Variants in ZBTB20 observed in about 807,000 individuals in gnomAD.
The protein encoded by ZBTB20 is zinc finger and BTB domain containing 20.
In ZBTB20, 9 loss-of-function variants were observed where a neutral mutation model predicts 56.9. That is an observed-to-expected ratio of 0.16 (90% CI 0.10 to 0.28). The LOEUF (loss-of-function observed/expected upper bound fraction) is 0.28, where lower values mean the gene tolerates loss of function less well. Among genes scored for constraint, ZBTB20 ranks in the 10% least tolerant of loss-of-function variants. ZBTB20 has a pLI of 1.00. For synonymous variants in ZBTB20, 417 were observed against 420.7 expected (o/e 0.99, Z 0.11); for missense variants, 655 against 1,003.0 (o/e 0.65, Z 4.69).
chr3:114,824,167 A>G (rs2073398792), intron 4 of ZBTB20, among the ~76,000 whole-genome samples: 1 of 152,010 alleles, frequency 6.6e-6, no homozygotes, highest in Non-Finnish European at 1.5e-5. Context: ...GGTTCTGGTG[A>G]TATTTACAAT....
At position 114,551,425 on chromosome 3, in the gene ZBTB20, C is replaced by A. The variant is rs190705501; in HGVS notation, c.-294-51034G>T. On this transcript the variant is annotated intron_variant, in intron 6 of 11. Transcript: ENST00000675478. ...AGTAATAAGCTTTACAAAAGAAGTGCACAAAAATTTATTGTGGGCGGGTGG... is the reference window on the plus strand; with the variant it reads ...AGTAATAAGCTTTACAAAAGAAGTGAACAAAAATTTATTGTGGGCGGGTGG... Among the ~76,000 whole-genome samples the A allele has an allele frequency of 2.6e-5, 4 of 152,220 alleles. No homozygotes were observed. In the East Asian group the frequency reaches 7.7e-4, roughly 29 times the overall value.
At chr3:114,801,384 A>T (rs1287407524) in intron 4 of ZBTB20, among the ~76,000 whole-genome samples, 1 of 149,178 alleles carries the variant, frequency 6.7e-6, no homozygotes. Flanking sequence ...TAATGAAAAG[A>T]AAAGGATCTA....
At chr3:114,547,519 A>G (rs1157235506) in intron 6 of ZBTB20, among the ~76,000 whole-genome samples, 1 of 152,222 alleles carries the variant, frequency 6.6e-6, no homozygotes, top group Non-Finnish European at 1.5e-5. Flanking sequence ...CTGGGGCCTC[A>G]GGAAAGGGTC....
Position 114,331,031 on chromosome 3 carries a change from C to T in ZBTB20, c.*7974G>A, listed in dbSNP as rs1345993956. 1 of 152,148 alleles carries T rather than the reference C, an allele frequency of 6.6e-6. No individual in the cohort carries two copies. 9.4% of individuals were successfully genotyped at this position (152,148 alleles called of 1,614,324 possible). On this transcript the variant is annotated 3_prime_UTR_variant, in exon 12 of 12. Coordinates refer to ENST00000675478, the MANE Select transcript of ZBTB20 (RefSeq NM_001348800.3). ...CAAAGGCCACATTGGTTTCAGGAGA[C>T]ACAGTTTGTGAATTACGATGATATC...
At chr3:114,820,177 C>A (rs533900541) in intron 4 of ZBTB20, among the ~76,000 whole-genome samples, 1 of 151,820 alleles carries the variant, frequency 6.6e-6, no homozygotes, top group South Asian at 2.1e-4. Context: ...TAAAAATGAT[C>A]CTCAGAGTAG....
intron 7 of ZBTB20, among the ~76,000 whole-genome samples, chr3:114,469,928 A>G (rs2039929327): frequency 6.6e-6 from 1 of 152,186 alleles, no homozygotes; most frequent in African/African-American, 2.4e-5. Flanking sequence ...CTTATTCACC[A>G]TAAATTAAAG....
chr3:114,459,992 T>C (rs940176945), intron 7 of ZBTB20, among the ~76,000 whole-genome samples: 1 of 152,006 alleles, frequency 6.6e-6, no homozygotes, highest in Non-Finnish European at 1.5e-5. Flanking sequence ...GGAAATTCTC[T>C]GGTTCTCTCA....
chr3:114,836,581 G>A (rs1049670905), intron 4 of ZBTB20, among the ~76,000 whole-genome samples: 2 of 152,062 alleles, frequency 1.3e-5, no homozygotes, highest in Non-Finnish European at 2.9e-5. Flanking sequence ...TCAGTGAAAG[G>A]TGCCACCATC....
intron 3 of ZBTB20, among the ~76,000 whole-genome samples, chr3:114,962,334 AC>A (rs1161332249): frequency 6.6e-6 from 1 of 152,102 alleles, no homozygotes; most frequent in African/African-American, 2.4e-5. Flanking sequence ...TTAGAACCCC[AC>A]CCTGGTGAAG....
intron 11 of ZBTB20, among the ~76,000 whole-genome samples, chr3:114,346,431 A>C (rs2080191526): frequency 6.8e-6 from 1 of 147,574 alleles, no homozygotes; most frequent in Admixed American, 6.6e-5. Context: ...AATCATTTTT[A>C]TTTTAAACTC....
At chr3:114,797,287 G>A (rs1477192426) in intron 5 of ZBTB20, among the ~76,000 whole-genome samples, 2 of 151,496 alleles carry the variant, frequency 1.3e-5, no homozygotes, top group Non-Finnish European at 2.9e-5. Flanking sequence ...CTACTAATGC[G>A]TTGCAACCCA....
At chr3:114,568,262 C>G (rs1355871108) in intron 6 of ZBTB20, among the ~76,000 whole-genome samples, 1 of 152,186 alleles carries the variant, frequency 6.6e-6, no homozygotes, top group Non-Finnish European at 1.5e-5. Flanking sequence ...AGAAAATCCA[C>G]TGTCCCTCTC....
At chr3:114,525,225 A>G (rs1208215392) in intron 6 of ZBTB20, among the ~76,000 whole-genome samples, 3 of 152,070 alleles carry the variant, frequency 2.0e-5, no homozygotes, top group African/African-American at 7.2e-5. Flanking sequence ...GTTTTGTTTA[A>G]TTTGTGCCTG....
intron 5 of ZBTB20, among the ~76,000 whole-genome samples, chr3:114,753,934 GGA>G (rs2067803288): frequency 6.6e-6 from 1 of 152,042 alleles, no homozygotes; most frequent in Non-Finnish European, 1.5e-5. Context: ...ATATTTTTCT[GGA>G]AACAAAGGGG....
intron 1 of ZBTB20, among the ~76,000 whole-genome samples, chr3:115,146,444 A>T (rs1240188969): frequency 1.3e-5 from 2 of 152,194 alleles, no homozygotes; most frequent in South Asian, 4.1e-4. Context: ...GAGAGACGGC[A>T]TTTGTTTTAA....
At chr3:114,521,940 T>G (rs2046685111) in intron 6 of ZBTB20, among the ~76,000 whole-genome samples, 1 of 152,174 alleles carries the variant, frequency 6.6e-6, no homozygotes, top group South Asian at 2.1e-4. Flanking sequence ...CTTCCTTCAA[T>G]TCATACAACG....
chr3:115,105,395 C>T (rs1013099520), intron 1 of ZBTB20, among the ~76,000 whole-genome samples: 4 of 152,106 alleles, frequency 2.6e-5, no homozygotes, highest in African/African-American at 9.7e-5. Context: ...AGGATTTGAA[C>T]CCAGCCTGTC....
At chr3:114,952,899 C>T (rs1363358886) in intron 3 of ZBTB20, among the ~76,000 whole-genome samples, 1 of 151,996 alleles carries the variant, frequency 6.6e-6, no homozygotes, top group Non-Finnish European at 1.5e-5. Flanking sequence ...CTGATATAAA[C>T]ACTGAACATT....
intron 10 of ZBTB20, among the ~76,000 whole-genome samples, chr3:114,355,450 C>T (rs1388972416): frequency 6.6e-6 from 1 of 152,202 alleles, no homozygotes; most frequent in Non-Finnish European, 1.5e-5. Context: ...AAAGCTGAAT[C>T]GTTTTTGCTG....
Sources: allele counts gnomAD v4.1 joint callset (sites outside exome capture counted in the v4.1 genomes callset), GRCh38; gene constraint gnomAD v4.1.1; transcripts MANE v1.5; gene names NCBI Gene and HGNC (gene_info 2026-07-23, HGNC 2026-07-21).